The following SAMHD1 variants were observed in gnomAD, a reference collection of about 807,000 sequenced individuals.
SAMHD1 encodes SAM and HD domain containing deoxynucleoside triphosphate triphosphohydrolase 1, also known as deoxynucleoside triphosphate triphosphohydrolase SAMHD1.
Under a neutral mutation model 79.6 loss-of-function variants are expected in SAMHD1, and 54 were observed. The ratio of observed to expected loss-of-function variants is 0.68; its 90% CI spans 0.55 to 0.85. The LOEUF (loss-of-function observed/expected upper bound fraction) is 0.85. Among genes scored for constraint, SAMHD1 ranks in the 40% least tolerant of loss-of-function variants. The pLI is 0.00. For missense variants in SAMHD1, 663 were observed against 782.7 expected (o/e 0.85, Z 1.82); for synonymous variants, 260 against 264.1 (o/e 0.98, Z 0.15).
intron 6 of SAMHD1, among the ~76,000 whole-genome samples, chr20:36,920,770 A>G (rs2063499475): frequency 1.9e-4 from 1 of 5,174 alleles, no homozygotes; most frequent in African/African-American, 2.6e-3. Context: ...TTTCAAAAGA[A>G]AAAAAAAAAA....
rs755521477 is a variant in SAMHD1 at position 36,911,447 on chromosome 20, T to C, written c.1155-114A>G. Reference sequence around the variant, plus strand: ...GAAACAAAATAATGAGGCACAGTGTTCTAAAGACAACTGCTTCTCCACCGT... The same window carrying C: ...GAAACAAAATAATGAGGCACAGTGTCCTAAAGACAACTGCTTCTCCACCGT... On this transcript the variant is annotated intron_variant, in intron 10 of 15. Transcript: ENST00000646673. The C allele has an allele frequency of 2.0e-5, 14 of 716,892 alleles. No individual in the cohort carries two copies. The Middle Eastern group carries it at 1.0e-3, about 53-fold the overall frequency. The allele number at this position is 716,892 out of a possible 1,614,324, so 44.4% of individuals were successfully genotyped here.
intron 3 of SAMHD1, among the ~76,000 whole-genome samples, chr20:36,938,018 C>A (rs1383152468): frequency 6.6e-6 from 1 of 151,680 alleles, no homozygotes. Flanking sequence ...ACTACCACAC[C>A]CAGCTAATTT....
At position 36,892,847 on chromosome 20, in the gene SAMHD1, G is replaced by T; in HGVS notation, c.*85C>A. ...AAAATACAAAATTAAAGCATGAGTTGTCATTAATTTGCAGAATTCTATGAT... is the reference window on the plus strand; with the variant it reads ...AAAATACAAAATTAAAGCATGAGTTTTCATTAATTTGCAGAATTCTATGAT... On this transcript the variant is annotated 3_prime_UTR_variant, in exon 16 of 16. Coordinates refer to ENST00000646673, the MANE Select transcript of SAMHD1 (RefSeq NM_015474.4). 6.6e-7 allele frequency: 1 copy of T among 1,523,382 alleles called. No individual in the cohort carries two copies. Among genetic ancestry groups the T allele is most frequent in the Non-Finnish European group, 9.1e-7 (1 of 1,097,212 alleles). The allele number at this position is 1,523,382 out of a possible 1,614,324, so 94.4% of individuals were successfully genotyped here. A position where few individuals can be genotyped will look rare whatever the true frequency, so the allele number is the denominator to read the frequency against.
chr20:36,907,656 C>CAGCCTCA (rs1376929453), intron 11 of SAMHD1, among the ~76,000 whole-genome samples: 1 of 151,056 alleles, frequency 6.6e-6, no homozygotes, highest in Non-Finnish European at 1.5e-5. Context: ...TCTCCTGCCT[C>CAGCCTCA]AGCCTCCAGA....
intron 13 of SAMHD1, among the ~76,000 whole-genome samples, chr20:36,901,623 C>A (rs186503586): frequency 1.3e-5 from 2 of 152,082 alleles, no homozygotes; most frequent in East Asian, 3.9e-4. Context: ...GTAGTCCTAG[C>A]TACTCAGGAG....
chr20:36,904,590 G>A, intron 12 of SAMHD1: 1 of 334,942 alleles, frequency 3.0e-6, no homozygotes, highest in South Asian at 2.5e-5. Flanking sequence ...GGTGGCGGGT[G>A]CCTGTAATCC....
chr20:36,927,859 A>T (rs1357494574), intron 5 of SAMHD1, among the ~76,000 whole-genome samples: 1 of 152,154 alleles, frequency 6.6e-6, no homozygotes, highest in Non-Finnish European at 1.5e-5. Context: ...TATGTTGTTC[A>T]GGCTGGAGTG....
chr20:36,893,141 C>T, intron 15 of SAMHD1, 75 bp from the exon 16 acceptor site: 1 of 1,548,684 alleles, frequency 6.5e-7, no homozygotes, highest in South Asian at 1.1e-5. Flanking sequence ...GTGAAAGTCT[C>T]AAGTGCGCAC....
rs1555830158 is a variant in SAMHD1, at chr20:36,890,396, C to CTCTTACTTTCTTTCTCTTTCTT, written c.*2535_*2536insAAGAAAGAGAAAGAAAGTAAGA. The CTCTTACTTTCTTTCTCTTTCTT allele has an allele frequency of 7.7e-5, 11 of 142,550 alleles. No individual in the cohort carries two copies. The highest frequency in any genetic ancestry group is 2.6e-4 in the African/African-American group (10 of 38,884). The allele number at this position is 142,550 out of a possible 1,614,324, so 8.8% of individuals were successfully genotyped here. ...ATACAAATAGCAAAGATATTTCTTT[C>CTCTTACTTTCTTTCTCTTTCTT]TCTTTCTTTCTTTCTTTCTTTCTTT... On this transcript the variant is annotated 3_prime_UTR_variant, in exon 16 of 16. Coordinates refer to ENST00000646673, the MANE Select transcript of SAMHD1 (RefSeq NM_015474.4).
intron 10 of SAMHD1, chr20:36,912,237 C>T (rs945378791): frequency 1.7e-5 from 9 of 523,054 alleles, no homozygotes; most frequent in South Asian, 8.3e-5. Flanking sequence ...CCTTCATCTG[C>T]CCCTTTATCC....
intron 3 of SAMHD1, among the ~76,000 whole-genome samples, chr20:36,937,856 G>GTTTTTTTTT (rs761389071): frequency 8.4e-6 from 1 of 119,152 alleles, no homozygotes. Context: ...AACAATGTTG[G>GTTTTTTTTT]TTTGTTTTTT....
At position 36,900,854 on chromosome 20, in the gene SAMHD1, G is replaced by A. The variant is rs1035337601; in HGVS notation, c.1504-2310C>T. Among the ~76,000 whole-genome samples the A allele has an allele frequency of 1.2e-4, 18 of 152,164 alleles. No homozygotes were observed. The South Asian group carries it at 1.5e-3, about 12-fold the overall frequency. ...CCCAAAGTGCTGGGATTACAGGCATGAGCCACCGTGCCCGGCCTATTACAT... is the reference window on the plus strand; with the variant it reads ...CCCAAAGTGCTGGGATTACAGGCATAAGCCACCGTGCCCGGCCTATTACAT... On this transcript the variant is annotated intron_variant, in intron 13 of 15. Transcript: ENST00000646673.
chr20:36,916,877 C>T lies in SAMHD1; in HGVS notation c.954-47G>A, dbSNP rs374541298. ...GAGATGAAATTTTTCAACAAGGAAG[C>T]TGTACCTTAAATAGTAATACTAAAT... On this transcript the variant is annotated intron_variant, in intron 8 of 15. Transcript: ENST00000646673. 3.8e-6 allele frequency: 6 copies of T among 1,583,154 alleles called. No individual in the cohort carries two copies. The African/African-American group carries it at 6.7e-5, about 18-fold the overall frequency.
intron 12 of SAMHD1, chr20:36,905,104 G>A (rs1327874076): frequency 2.1e-6 from 1 of 466,880 alleles, no homozygotes; most frequent in Non-Finnish European, 3.9e-6. Context: ...TCCTGGATGA[G>A]ATCAAAGATT....
At chr20:36,931,036 G>A (rs1389375608) in intron 4 of SAMHD1, 161 bp from the exon 5 acceptor site, 4 of 661,912 alleles carry the variant, frequency 6.0e-6, no homozygotes, top group South Asian at 3.2e-5. Context: ...ACACACAAAC[G>A]GAATCCCAAA....
chr20:36,915,931 G>A (rs1365648037), intron 9 of SAMHD1, among the ~76,000 whole-genome samples: 5 of 151,950 alleles, frequency 3.3e-5, no homozygotes, highest in African/African-American at 9.7e-5. Flanking sequence ...AGGCCGAGGC[G>A]GGCAGATCAC....
chr20:36,942,877 C>T (rs551740776), intron 2 of SAMHD1, among the ~76,000 whole-genome samples: 3 of 152,164 alleles, frequency 2.0e-5, no homozygotes, highest in Non-Finnish European at 4.4e-5. Flanking sequence ...AGGATGGTCT[C>T]GATCTCCTGA....
downstream of SAMHD1, chr20:36,889,859 C>A (rs1367423116): frequency 6.5e-6 from 1 of 153,106 alleles, no homozygotes; most frequent in Non-Finnish European, 1.5e-5. Context: ...ATTCAACCCC[C>A]CCCAACTCTT....
chr20:36,892,898 G>T lies in SAMHD1; in HGVS notation c.*34C>A. On this transcript the variant is annotated 3_prime_UTR_variant, in exon 16 of 16. Transcript: ENST00000646673. Reference sequence around the variant, plus strand: ...TGAAGCCTCTAAATGAATTGTGCAGGAGAGGGAGTTTGTAAACAACTGACT... The same window carrying T: ...TGAAGCCTCTAAATGAATTGTGCAGTAGAGGGAGTTTGTAAACAACTGACT... The T allele has an allele frequency of 6.2e-7, 1 of 1,613,154 alleles. No individual in the cohort carries two copies. Among genetic ancestry groups the T allele is most frequent in the Admixed American group, 1.7e-5 (1 of 60,004 alleles).
Sources: gnomAD v4.1 joint callset for allele counts (sites outside exome capture counted in the v4.1 genomes callset) on GRCh38, gnomAD v4.1.1 for gene constraint, MANE v1.5 for transcripts, NCBI Gene and HGNC (gene_info 2026-07-23, HGNC 2026-07-21) for gene names.